The following LPAR4 variants were observed in gnomAD, a reference collection of about 807,000 sequenced individuals.
The protein encoded by LPAR4 is lysophosphatidic acid receptor 4, also known as G-protein coupled receptor 23.
A neutral mutation model predicts 9.2 loss-of-function variants in LPAR4; 14 were observed. The ratio of observed to expected loss-of-function variants is 1.51; its 90% CI spans 1.00 to 2.37. The LOEUF (loss-of-function observed/expected upper bound fraction) is 2.37, where lower values mean the gene tolerates loss of function less well. LPAR4 is among the 30% of genes most tolerant of loss of function. The probability of loss-of-function intolerance (pLI) is 0.00; values close to 1 mark genes in which losing one functional copy is unlikely to be tolerated. For missense variants in LPAR4, 251 were observed against 272.1 expected (o/e 0.92, Z 0.55); for synonymous variants, 131 against 97.9 (o/e 1.34, Z -1.99).
Position 78,758,634 on chromosome X carries a change from G to A in LPAR4, c.*2652G>A, listed in dbSNP as rs1436249307. Reference sequence around the variant, plus strand: ...AATATAAAAGTGACTATGTTACATCGAAAGGAAAAGCAATTTTGCAGCTGT... The same window carrying A: ...AATATAAAAGTGACTATGTTACATCAAAAGGAAAAGCAATTTTGCAGCTGT... On this transcript the variant is annotated 3_prime_UTR_variant, in exon 5 of 5. Transcript: ENST00000614823. 1.8e-5 allele frequency among the ~76,000 whole-genome samples: 2 copies of A among 111,233 alleles called. No individual in the cohort carries two copies. The highest frequency in any genetic ancestry group is 3.8e-5 in the Non-Finnish European group (2 of 52,878).
chrX:78,748,077 G>A (rs987596087), intron 1 of LPAR4, 43 bp downstream of exon 1: 2 of 110,609 alleles, frequency 1.8e-5, no homozygotes, highest in Non-Finnish European at 3.8e-5. Context: ...GCGTTTGGGG[G>A]TGGGGGATAG....
In LPAR4 at chrX:78,755,363, T is replaced by C; in HGVS notation, c.494T>C (p.Leu165Pro). The change falls in exon 5 of 5, where the codon CTA becomes CCA. Residue 165 changes from leucine (L) to proline (P), a missense_variant. By Grantham distance (98) the Leu-to-Pro change is moderately conservative. Transcript: ENST00000614823. ...ATTGTGTGTGCTGGTGTCTGGATCC[T>C]AGTCCTCAGTGGCGGTATTTCAGCC... ...SAIVCAGVWILVLSGGISASL... is the reference protein window; with the variant it reads ...SAIVCAGVWIPVLSGGISASL... The C allele has an allele frequency of 8.3e-7, 1 of 1,210,939 alleles. No homozygotes were observed. Among genetic ancestry groups the C allele is most frequent in the Non-Finnish European group, 1.1e-6 (1 of 895,033 alleles).
intron 4 of LPAR4, among the ~76,000 whole-genome samples, chrX:78,753,034 T>C (rs950576144): frequency 2.4e-4 from 27 of 111,474 alleles, no homozygotes; most frequent in Non-Finnish European, 4.5e-4. Flanking sequence ...TTGGTCAACC[T>C]CCACGGGACC....
At chrX:78,750,287 A>T (rs1303112150) in intron 2 of LPAR4, 64 bp downstream of exon 2, 1 of 111,250 alleles carries the variant, frequency 9.0e-6, no homozygotes, top group African/African-American at 3.3e-5. Context: ...AGATTATAGA[A>T]AAATCATTTC....
At chrX:78,753,218 C>G (rs1399531174) in intron 4 of LPAR4, among the ~76,000 whole-genome samples, 1 of 112,107 alleles carries the variant, frequency 8.9e-6, no homozygotes, top group East Asian at 2.8e-4. Flanking sequence ...TTCTTCATTT[C>G]ATCTGAAGCT....
intron 1 of LPAR4, among the ~76,000 whole-genome samples, chrX:78,749,722 CT>C (rs1469705457): frequency 8.9e-6 from 1 of 111,938 alleles, no homozygotes; most frequent in East Asian, 2.8e-4. Context: ...TCAAATAAAT[CT>C]AGCAATCATT....
rs867126614 is a variant in LPAR4, at chrX:78,755,696, G to A, written c.827G>A (p.Arg276His). 4 of 1,207,881 alleles carry A rather than the reference G, an allele frequency of 3.3e-6. No individual in the cohort carries two copies. Among genetic ancestry groups the A allele is most frequent in the East Asian group, 3.0e-5 (1 of 33,724 alleles). Reference protein sequence around the residue: ...NSVLFLYALVRSQAITNCFLE... With the variant: ...NSVLFLYALVHSQAITNCFLE... ...GTCCTCTTCTTGTATGCCCTGGTGC[G>A]CTCCCAAGCTATTACTAATTGCTTT... is the stretch of plus-strand genomic sequence containing the variant. The change falls in exon 5 of 5, where the codon CGC (arginine) becomes CAC (histidine). Residue 276 changes from arginine (R) to histidine (H), a missense_variant. By Grantham distance (29) the Arg-to-His change is conservative. Transcript: ENST00000614823.
In LPAR4 at chrX:78,756,896, AAAAAT is replaced by A. The variant is rs1162898669; in HGVS notation, c.*918_*922del. On this transcript the variant is annotated 3_prime_UTR_variant, in exon 5 of 5. Transcript: ENST00000614823. Reference sequence around the variant, plus strand: ...CCCAGGTCAGGAGCAAATTGAAAAAAAAAATAAAGTAATACAAAAAAATCAAACTA... The same window carrying A: ...CCCAGGTCAGGAGCAAATTGAAAAAAAAAGTAATACAAAAAAATCAAACTA... 1 of 122,339 alleles carries A rather than the reference AAAAAT, an allele frequency of 8.2e-6. No homozygotes were observed. The highest frequency in any genetic ancestry group is 1.9e-5 in the Non-Finnish European group (1 of 52,943). 10.1% of individuals were successfully genotyped at this position (122,339 alleles called of 1,213,427 possible).
In LPAR4 at chrX:78,750,766, GAAAAAAAGAAA is replaced by G. The variant is rs1193081749; in HGVS notation, c.-198_-188del. The G allele has an allele frequency of 9.7e-6, 1 of 102,659 alleles. No individual in the cohort carries two copies. Among genetic ancestry groups the G allele is most frequent in the African/African-American group, 3.6e-5 (1 of 28,014 alleles). The allele number at this position is 102,659 out of a possible 1,213,427, so 8.5% of individuals were successfully genotyped here. A position where few individuals can be genotyped will look rare whatever the true frequency, so the allele number is the denominator to read the frequency against. ...ATGGTAACAGTTGTTGCCAAGAAAAGAAAAAAAGAAAAAAAAAAGACCCAATGTAAGTTCAT... is the reference window on the plus strand; with the variant it reads ...ATGGTAACAGTTGTTGCCAAGAAAAGAAAAAAAGACCCAATGTAAGTTCAT... On this transcript the variant is annotated 5_prime_UTR_variant, in exon 3 of 5. The change abolishes the stop of an existing upstream ORF in the 5' untranslated region. Coordinates refer to ENST00000614823, the MANE Select transcript of LPAR4 (RefSeq NM_001278000.3).
In LPAR4 at chrX:78,758,032, T is replaced by C; in HGVS notation, c.*2050T>C. ...ACTTTTAAGTAAAAATCTGTTAGCA[T>C]AATGTAACTTTAAAAACTGTAAAAT... is the stretch of plus-strand genomic sequence containing the variant. On this transcript the variant is annotated 3_prime_UTR_variant, in exon 5 of 5. Coordinates refer to ENST00000614823, the MANE Select transcript of LPAR4 (RefSeq NM_001278000.3). Among the ~76,000 whole-genome samples, 1 of 111,983 alleles carries C rather than the reference T, an allele frequency of 8.9e-6. No individual in the cohort carries two copies. Among genetic ancestry groups the C allele is most frequent in the Non-Finnish European group, 1.9e-5 (1 of 53,067 alleles).
chrX:78,752,881 C>G (rs1218191610), intron 4 of LPAR4, among the ~76,000 whole-genome samples: 1 of 111,381 alleles, frequency 9.0e-6, no homozygotes, highest in Non-Finnish European at 1.9e-5. Context: ...TTTACTTCTT[C>G]CAGGAGCCTT....
At chrX:78,751,487 A>G (rs896625756) in intron 4 of LPAR4, among the ~76,000 whole-genome samples, 176 bp downstream of exon 4, 3 of 111,475 alleles carry the variant, frequency 2.7e-5, no homozygotes, top group African/African-American at 9.8e-5. Context: ...AATTTGTTAT[A>G]ATCCAGGCAA....
intron 3 of LPAR4, among the ~76,000 whole-genome samples, 164 bp downstream of exon 3, chrX:78,750,956 A>G (rs900478718): frequency 7.2e-5 from 8 of 111,194 alleles, no homozygotes; most frequent in African/African-American, 2.6e-4. Flanking sequence ...TTTAGTCAAT[A>G]CTACTAAAAA....
Position 78,755,368 on chromosome X carries a change from C to G in LPAR4, c.499C>G (p.Leu167Val). The G allele has an allele frequency of 8.3e-7, 1 of 1,210,831 alleles. No homozygotes were observed. Among genetic ancestry groups the G allele is most frequent in the Non-Finnish European group, 1.1e-6 (1 of 895,106 alleles). ...IVCAGVWILVLSGGISASLFS... is the reference protein window; with the variant it reads ...IVCAGVWILVVSGGISASLFS... ...GTGTGCTGGTGTCTGGATCCTAGTC[C>G]TCAGTGGCGGTATTTCAGCCTCTTT... The change falls in exon 5 of 5, where the codon CTC (leucine) becomes GTC (valine). Residue 167 changes from leucine to valine, a missense_variant. Coordinates refer to ENST00000614823, the MANE Select transcript of LPAR4 (RefSeq NM_001278000.3).
intron 4 of LPAR4, among the ~76,000 whole-genome samples, 188 bp from the exon 5 acceptor site, chrX:78,754,603 G>T (rs949103607): frequency 1.8e-5 from 2 of 111,448 alleles, no homozygotes; most frequent in Non-Finnish European, 3.8e-5. Context: ...TATTGAGTGT[G>T]AGCTTTCCTG....
At chrX:78,751,355 C>A (rs1007645268) in intron 4 of LPAR4, 44 bp downstream of exon 4, 6 of 111,034 alleles carry the variant, frequency 5.4e-5, no homozygotes, top group Non-Finnish European at 1.1e-4. Flanking sequence ...ATAATAATAA[C>A]CTGAAAATGT....
chrX:78,752,928 C>T (rs143470158), intron 4 of LPAR4, among the ~76,000 whole-genome samples: 267 of 111,588 alleles, frequency 2.4e-3, no homozygotes, highest in African/African-American at 8.3e-3. Context: ...ATTTTACTAT[C>T]ATTAGAAATT....
intron 4 of LPAR4, among the ~76,000 whole-genome samples, chrX:78,753,662 C>T (rs906969615): frequency 8.9e-6 from 1 of 112,271 alleles, no homozygotes. Flanking sequence ...CGAATACTAG[C>T]AAGCTCATAA....
Position 78,756,169 on chromosome X carries a change from C to T in LPAR4, c.*187C>T. 1 of 420,214 alleles carries T rather than the reference C, an allele frequency of 2.4e-6. No individual in the cohort carries two copies. Among genetic ancestry groups the T allele is most frequent in the African/African-American group, 2.5e-5 (1 of 40,079 alleles). 34.6% of individuals were successfully genotyped at this position (420,214 alleles called of 1,213,427 possible). A position where few individuals can be genotyped will look rare whatever the true frequency, so the allele number is the denominator to read the frequency against. On this transcript the variant is annotated 3_prime_UTR_variant, in exon 5 of 5. Coordinates refer to ENST00000614823, the MANE Select transcript of LPAR4 (RefSeq NM_001278000.3). ...AGTAATTATAGGTCAAATCTAATTA[C>T]AACAACCAAGATGGATTGCCAAACT...
Sources: gnomAD v4.1 joint callset for allele counts (sites outside exome capture counted in the v4.1 genomes callset) on GRCh38, gnomAD v4.1.1 for gene constraint, MANE v1.5 for transcripts, NCBI Gene and HGNC (gene_info 2026-07-23, HGNC 2026-07-21) for gene names.